The following CCDC102B variants were observed in gnomAD, a reference collection of about 807,000 sequenced individuals.
CCDC102B encodes coiled-coil domain containing 102B.
A neutral mutation model predicts 57.4 loss-of-function variants in CCDC102B; 75 were observed. The observed-to-expected ratio is 1.31, with a 90% CI of 1.08 to 1.58. CCDC102B has a LOEUF of 1.58. Ranked by LOEUF, CCDC102B falls within the 40% of genes most tolerant of loss-of-function variation. The pLI, the probability that CCDC102B is intolerant of heterozygous loss-of-function variation, is 0.00. For missense variants in CCDC102B, 636 were observed against 582.6 expected, an observed-to-expected ratio of 1.09 and a Z score of -0.94; for synonymous variants, 206 against 201.9, an observed-to-expected ratio of 1.02 and a Z score of -0.17.
intron 7 of CCDC102B, among the ~76,000 whole-genome samples, chr18:69,046,689 A>G (rs898492438): frequency 1.3e-5 from 2 of 152,076 alleles, no homozygotes; most frequent in Admixed American, 1.3e-4. Context: ...ACAGAATGGT[A>G]TTTCCTAGGT....
chr18:68,781,963 C>T (rs1254164176), intron 2 of CCDC102B, among the ~76,000 whole-genome samples: 1 of 152,036 alleles, frequency 6.6e-6, no homozygotes, highest in African/African-American at 2.4e-5. Flanking sequence ...AATGTAAATA[C>T]TGAAGCTACT....
intron 6 of CCDC102B, among the ~76,000 whole-genome samples, chr18:68,930,999 A>G (rs1015599412): frequency 2.0e-5 from 3 of 151,736 alleles, no homozygotes; most frequent in Non-Finnish European, 4.4e-5. Flanking sequence ...TTGTGATTTT[A>G]TTTTTACAGC....
rs762179508 is a variant in CCDC102B at position 68,838,938 on chromosome 18, T to G, written c.827+12T>G. 1.2e-6 allele frequency: 2 copies of G among 1,600,510 alleles called. No homozygotes were observed. Among genetic ancestry groups the G allele is most frequent in the Admixed American group, 1.7e-5 (1 of 59,948 alleles). On this transcript the variant is annotated intron_variant, in intron 3 of 7. Coordinates refer to ENST00000360242, the MANE Select transcript of CCDC102B (RefSeq NM_024781.3). ...TGGAAGGAAAGAGAGTAAGTGCTAATCATTGTCTCCCTTAACCAAGTCTAA... is the reference window on the plus strand; with the variant it reads ...TGGAAGGAAAGAGAGTAAGTGCTAAGCATTGTCTCCCTTAACCAAGTCTAA...
At chr18:68,800,566 A>G (rs2035809648) in intron 1 of CCDC102B, among the ~76,000 whole-genome samples, 1 of 152,082 alleles carries the variant, frequency 6.6e-6, no homozygotes, top group Admixed American at 6.6e-5. Context: ...TATCTTTTGC[A>G]TTCTCAAAGA....
intron 1 of CCDC102B, among the ~76,000 whole-genome samples, chr18:68,817,278 C>A (rs1185196575): frequency 6.6e-6 from 1 of 152,184 alleles, no homozygotes. Flanking sequence ...TACAACAGAA[C>A]TCAGTGGGAC....
intron 6 of CCDC102B, among the ~76,000 whole-genome samples, chr18:68,987,900 C>A (rs188509999): frequency 1.6e-4 from 24 of 152,114 alleles, no homozygotes; most frequent in African/African-American, 5.3e-4. Context: ...AAATAACCTG[C>A]TCTTGAGGCT....
At chr18:68,903,663 A>C (rs1199574979) in intron 6 of CCDC102B, among the ~76,000 whole-genome samples, 1 of 152,214 alleles carries the variant, frequency 6.6e-6, no homozygotes, top group Non-Finnish European at 1.5e-5. Flanking sequence ...ATACTTTTGA[A>C]AATGAAAAGT....
intron 1 of CCDC102B, among the ~76,000 whole-genome samples, chr18:68,830,576 A>C (rs1324773926): frequency 1.4e-5 from 2 of 145,194 alleles, no homozygotes; most frequent in African/African-American, 5.5e-5. Flanking sequence ...CCATACACAC[A>C]GGTAAAATAT....
At chr18:68,928,232 C>G (rs970049232) in intron 6 of CCDC102B, among the ~76,000 whole-genome samples, 1 of 151,910 alleles carries the variant, frequency 6.6e-6, no homozygotes, top group African/African-American at 2.4e-5. Context: ...CTATACGGAT[C>G]AGGACATTGG....
intron 2 of CCDC102B, among the ~76,000 whole-genome samples, chr18:68,769,664 A>G (rs1174805657): frequency 6.6e-6 from 1 of 152,140 alleles, no homozygotes; most frequent in Admixed American, 6.6e-5. Flanking sequence ...CAGCTAGGCA[A>G]GAAGACTGTG....
chr18:68,752,490 A>C (rs963217149), intron 2 of CCDC102B, among the ~76,000 whole-genome samples: 1 of 151,746 alleles, frequency 6.6e-6, no homozygotes, highest in African/African-American at 2.4e-5. Flanking sequence ...AAAAAAAAAA[A>C]AAACAAGCAC....
At chr18:68,894,598 T>C (rs2040181710) in intron 5 of CCDC102B, among the ~76,000 whole-genome samples, 1 of 151,830 alleles carries the variant, frequency 6.6e-6, no homozygotes, top group Non-Finnish European at 1.5e-5. Context: ...TAAATGCTTT[T>C]TAAGTTAGTG....
chr18:68,836,631 A>T (rs1568277023), intron 1 of CCDC102B, 118 bp from the exon 2 acceptor site: 3 of 683,410 alleles, frequency 4.4e-6, no homozygotes, highest in African/African-American at 4.0e-5. Flanking sequence ...TGTCAAAAAT[A>T]AAAAAAAAGC....
chr18:68,789,325 G>A (rs1710483322), intron 2 of CCDC102B, among the ~76,000 whole-genome samples: 1 of 151,818 alleles, frequency 6.6e-6, no homozygotes, highest in Non-Finnish European at 1.5e-5. Context: ...TGCTCTTCTC[G>A]AGGAGTATCT....
intron 2 of CCDC102B, among the ~76,000 whole-genome samples, chr18:68,787,744 G>A (rs1335718053): frequency 6.7e-5 from 10 of 149,338 alleles, no homozygotes; most frequent in South Asian, 2.1e-4. Flanking sequence ...TCTTGCTAGC[G>A]GTCTATCAAT....
intron 4 of CCDC102B, among the ~76,000 whole-genome samples, chr18:68,854,552 G>A (rs2038297117): frequency 6.6e-6 from 1 of 152,032 alleles, no homozygotes; most frequent in South Asian, 2.1e-4. Flanking sequence ...AAAAAATTCT[G>A]TATGTTCTAA....
chr18:68,889,284 C>G (rs534845301), intron 5 of CCDC102B, among the ~76,000 whole-genome samples: 1 of 152,266 alleles, frequency 6.6e-6, no homozygotes, highest in East Asian at 1.9e-4. Context: ...TGCTAGCTGG[C>G]TCCTTCCAAC....
chr18:68,831,528 T>C (rs1054085339), intron 1 of CCDC102B, among the ~76,000 whole-genome samples: 3 of 152,172 alleles, frequency 2.0e-5, no homozygotes, highest in East Asian at 1.9e-4. Flanking sequence ...AAGTAAAATA[T>C]CTAAGCTTTA....
upstream of CCDC102B, among the ~76,000 whole-genome samples, chr18:68,795,135 A>G (rs1293675462): frequency 2.6e-5 from 4 of 152,102 alleles, no homozygotes; most frequent in Non-Finnish European, 4.4e-5. Context: ...CGGGTTATTA[A>G]ATTTGAATGG....
Sources: allele counts gnomAD v4.1 joint callset (sites outside exome capture counted in the v4.1 genomes callset), GRCh38; gene constraint gnomAD v4.1.1; transcripts MANE v1.5; gene names NCBI Gene and HGNC (gene_info 2026-07-23, HGNC 2026-07-21).